THSD4: variants seen among roughly 807,000 people sequenced by gnomAD.
THSD4 encodes the protein thrombospondin type 1 domain containing 4.
A neutral mutation model predicts 119.0 loss-of-function variants in THSD4; 69 were observed. The ratio of observed to expected loss-of-function variants is 0.58; its 90% CI spans 0.48 to 0.71. The LOEUF is 0.71. Ranked by LOEUF, THSD4 falls within the 30% of genes least tolerant of loss-of-function variation. The pLI is 0.00. For synonymous variants in THSD4, 524 were observed against 540.4 expected (o/e 0.97, Z 0.42); for missense variants, 1,393 against 1,391.1 (o/e 1.00, Z -0.02).
intron 6 of THSD4, among the ~76,000 whole-genome samples, chr15:71,345,460 AT>A (rs982795579): frequency 2.0e-5 from 3 of 151,982 alleles, no homozygotes; most frequent in African/African-American, 4.8e-5. Context: ...GCAAATTAAG[AT>A]TTTTTTTAAC....
chr15:71,369,301 A>G (rs370024672), intron 6 of THSD4, among the ~76,000 whole-genome samples: 23,584 of 152,162 alleles, frequency 0.15, 2,111 homozygotes, highest in Admixed American at 0.24. Context: ...TGCCCTGGCC[A>G]GAACTTCCAA....
At chr15:71,164,585 C>T (rs2043274282) in intron 3 of THSD4, among the ~76,000 whole-genome samples, 1 of 151,978 alleles carries the variant, frequency 6.6e-6, no homozygotes, top group Non-Finnish European at 1.5e-5. Flanking sequence ...GAAAATACCA[C>T]CAGGACAGGG....
intron 7 of THSD4, among the ~76,000 whole-genome samples, chr15:71,558,054 G>A (rs1327474397): frequency 3.9e-5 from 6 of 152,128 alleles, no homozygotes; most frequent in Admixed American, 3.3e-4. Flanking sequence ...TGGGCCGCAT[G>A]TGGTGGCTCA....
chr15:71,171,840 T>C (rs2043367345), intron 3 of THSD4, among the ~76,000 whole-genome samples: 1 of 152,180 alleles, frequency 6.6e-6, no homozygotes, highest in Non-Finnish European at 1.5e-5. Context: ...TATAAAGACA[T>C]GCCATGTTCA....
chr15:71,748,712 A>C, intron 14 of THSD4, 118 bp downstream of exon 14: 1 of 1,289,258 alleles, frequency 7.8e-7, no homozygotes, highest in Non-Finnish European at 1.0e-6. Context: ...CTGGGGGGAA[A>C]AAAAAGGCCC....
In THSD4 at chr15:71,256,635, G is replaced by C. The variant is rs773350806; in HGVS notation, c.935G>C (p.Ser312Thr). ...TAGGTATGTCCAGAAAGCAGTAGAA[G>C]TATCCGGGAGGTACAGTGTGCATCC... ...NTNVCPESSR[S>T]IREVQCASYN... The change falls in exon 6 of 18, where the codon AGT (serine) becomes ACT (threonine). Residue 312 changes from serine to threonine, a missense_variant. Physicochemically the swap from Ser to Thr is moderately conservative, Grantham distance 58. Coordinates refer to ENST00000261862, the MANE Select transcript of THSD4 (RefSeq NM_024817.3). 2 of 1,614,032 alleles carry C rather than the reference G, an allele frequency of 1.2e-6. No individual in the cohort carries two copies. Among genetic ancestry groups the C allele is most frequent in the African/African-American group, 2.7e-5 (2 of 75,050 alleles).
chr15:71,411,777 C>T lies in THSD4; in HGVS notation c.1106C>T (p.Pro369Leu). The change falls in exon 7 of 18, where the codon CCC (proline) becomes CTC (leucine). Residue 369 changes from proline to leucine, a missense_variant. By Grantham distance (98) the Pro-to-Leu change is moderately conservative. Coordinates refer to ENST00000261862, the MANE Select transcript of THSD4 (RefSeq NM_024817.3). The part of the protein sequence containing the change: ...RQAEKVIDGT[P>L]CDQNGTAICV... ...GCTGAGAAAGTCATCGATGGCACCC[C>T]CTGTGACCAGAACGGCACGGCCATC... 1.2e-6 allele frequency: 2 copies of T among 1,614,128 alleles called. No individual in the cohort carries two copies. The highest frequency in any genetic ancestry group is 1.1e-5 in the South Asian group (1 of 91,076).
intron 6 of THSD4, among the ~76,000 whole-genome samples, chr15:71,394,398 G>C (rs1406433230): frequency 6.7e-6 from 1 of 149,850 alleles, no homozygotes; most frequent in African/African-American, 2.5e-5. Context: ...TCAGCCTCCT[G>C]AGTAGCTGGG....
chr15:71,685,537 A>C (rs979194696), intron 8 of THSD4, among the ~76,000 whole-genome samples: 4 of 152,176 alleles, frequency 2.6e-5, no homozygotes, highest in Non-Finnish European at 5.9e-5. Context: ...CAATTTGCAA[A>C]TACTGTATCT....
rs1259141125 is a variant in THSD4, at chr15:71,244,202, G to A, written c.912+1106G>A. Among the ~76,000 whole-genome samples the A allele has an allele frequency of 5.3e-5, 8 of 152,276 alleles. No individual in the cohort carries two copies. In the East Asian group the frequency reaches 1.4e-3, roughly 26 times the overall value. ...TAACTTGCTGAAGATGCCACAGCTAGTGAGTAGTAGAACCAACTATCAATG... is the reference window on the plus strand; with the variant it reads ...TAACTTGCTGAAGATGCCACAGCTAATGAGTAGTAGAACCAACTATCAATG... On this transcript the variant is annotated intron_variant, in intron 5 of 17. Coordinates refer to ENST00000261862, the MANE Select transcript of THSD4 (RefSeq NM_024817.3).
intron 11 of THSD4, among the ~76,000 whole-genome samples, chr15:71,738,828 A>T (rs528771380): frequency 2.0e-5 from 3 of 152,014 alleles, no homozygotes; most frequent in Non-Finnish European, 4.4e-5. Context: ...AGCCAAACCA[A>T]TACTGCGTGG....
At chr15:71,580,198 G>C (rs1012808471) in intron 7 of THSD4, among the ~76,000 whole-genome samples, 2 of 152,046 alleles carry the variant, frequency 1.3e-5, no homozygotes, top group Non-Finnish European at 2.9e-5. Flanking sequence ...CTGCGAGCTG[G>C]ACTTGAAACG....
chr15:71,621,715 T>C (rs72742729), intron 7 of THSD4, among the ~76,000 whole-genome samples: 193 of 152,332 alleles, frequency 1.3e-3, no homozygotes, highest in Non-Finnish European at 2.5e-3. Flanking sequence ...GCCTTTTAGA[T>C]TCTTGTAGAA....
At chr15:71,580,967 G>A (rs898567092) in intron 7 of THSD4, among the ~76,000 whole-genome samples, 6 of 151,834 alleles carry the variant, frequency 4.0e-5, no homozygotes, top group Non-Finnish European at 7.4e-5. Flanking sequence ...TCCATCAATG[G>A]ACACTTAAGT....
chr15:71,455,348 C>T (rs55999058), intron 7 of THSD4, among the ~76,000 whole-genome samples: 23,225 of 152,102 alleles, frequency 0.15, 2,246 homozygotes, highest in East Asian at 0.3. Flanking sequence ...GTCATGTAGT[C>T]GTGTTTACTG....
chr15:71,277,356 C>A (rs1181325471), intron 6 of THSD4, among the ~76,000 whole-genome samples: 1 of 152,100 alleles, frequency 6.6e-6, no homozygotes, highest in African/African-American at 2.4e-5. Flanking sequence ...AAACTCTCGA[C>A]CTCAGGTGGT....
intron 6 of THSD4, among the ~76,000 whole-genome samples, chr15:71,319,710 C>G (rs1248050424): frequency 6.6e-6 from 1 of 151,940 alleles, no homozygotes; most frequent in African/African-American, 2.4e-5. Flanking sequence ...AATAAACATA[C>G]GTGTGCATGT....
At chr15:71,469,550 G>T (rs138765615) in intron 7 of THSD4, among the ~76,000 whole-genome samples, 19 of 152,256 alleles carry the variant, frequency 1.2e-4, no homozygotes, top group South Asian at 4.2e-4. Context: ...TCTTCTGAGA[G>T]CCCCCTTCCG....
intron 3 of THSD4, among the ~76,000 whole-genome samples, chr15:71,214,751 G>A (rs563229692): frequency 6.6e-6 from 1 of 152,356 alleles, no homozygotes; most frequent in African/African-American, 2.4e-5. Flanking sequence ...GGAAGACCGA[G>A]TTGGAGGTTA....
Sources: allele counts gnomAD v4.1 joint callset (sites outside exome capture counted in the v4.1 genomes callset), GRCh38; gene constraint gnomAD v4.1.1; transcripts MANE v1.5; gene names NCBI Gene and HGNC (gene_info 2026-07-23, HGNC 2026-07-21).